The following ASB1 variants were observed in gnomAD, a reference collection of about 807,000 sequenced individuals.
The protein encoded by ASB1 is ankyrin repeat and SOCS box containing 1.
In ASB1, 18 loss-of-function variants were observed where a neutral mutation model predicts 27.7. The ratio of observed to expected loss-of-function variants is 0.65; its 90% confidence interval spans 0.45 to 0.96. The LOEUF (loss-of-function observed/expected upper bound fraction) is 0.96. Ranked by LOEUF, ASB1 falls within the 50% of genes least tolerant of loss-of-function variation. ASB1 has a pLI of 0.00. For synonymous variants in ASB1, 189 were observed against 187.6 expected, an observed-to-expected ratio of 1.01 and a Z score of -0.06; for missense variants, 397 against 451.7, an observed-to-expected ratio of 0.88 and a Z score of 1.10.
At chr2:238,446,314 G>A (rs993947583) in intron 4 of ASB1, 70 bp from the exon 5 acceptor site, 10 of 1,509,292 alleles carry the variant, frequency 6.6e-6, no homozygotes, top group Middle Eastern at 1.9e-4. Flanking sequence ...AGTCCCAGCT[G>A]CCTTTTCTCT....
intron 1 of ASB1, among the ~76,000 whole-genome samples, chr2:238,428,123 C>T (rs973340460): frequency 2.6e-5 from 4 of 152,158 alleles, no homozygotes; most frequent in Admixed American, 1.3e-4. Context: ...CTTTGGTTGG[C>T]GTTGACTTTG....
At position 238,446,710 on chromosome 2, in the gene ASB1, A is replaced by ATTGTTT; in HGVS notation, c.*199_*200insTTGTTT. 1 of 601,526 alleles carries ATTGTTT rather than the reference A, an allele frequency of 1.7e-6. No individual in the cohort carries two copies. Among genetic ancestry groups the ATTGTTT allele is most frequent in the Non-Finnish European group, 2.9e-6 (1 of 348,080 alleles). 37.3% of individuals were successfully genotyped at this position (601,526 alleles called of 1,614,324 possible). ...CATTGTCAGCTGAGAGGCTTATACT[A>ATTGTTT]AAGTTATTATTGTTTTTCCCAAGTT... On this transcript the variant is annotated 3_prime_UTR_variant, in exon 5 of 5. Transcript: ENST00000264607.
chr2:238,444,356 T>C lies in ASB1; in HGVS notation c.509T>C (p.Val170Ala). 1 of 1,608,000 alleles carries C rather than the reference T, an allele frequency of 6.2e-7. No homozygotes were observed. The highest frequency in any genetic ancestry group is 2.2e-5 in the East Asian group (1 of 44,704). ...LKALIRYGAD[V>A]DVNHHLTPDV... ...CTTCCCTGCAGGTACGGGGCTGATG[T>C]TGACGTCAACCACCACCTGACTCCT... Residue 170 changes from valine to alanine, a missense_variant, in exon 4 of 5, where the codon GTT becomes GCT. Physicochemically the swap from Val to Ala is moderately conservative, Grantham distance 64. Coordinates refer to ENST00000264607, the MANE Select transcript of ASB1 (RefSeq NM_001040445.3).
chr2:238,427,243 GC>G, intron 1 of ASB1, 124 bp downstream of exon 1: 1 of 680,806 alleles, frequency 1.5e-6, no homozygotes, highest in Non-Finnish European at 2.0e-6. Flanking sequence ...CAGCCAGGGA[GC>G]CGCACCCTGC....
chr2:238,427,099 G>T lies in ASB1; in HGVS notation c.29G>T (p.Arg10Leu). MAEGGSPDG[R>L]AGPGSAGRNL... Reference sequence around the variant, plus strand: ...GCGGAGGGCGGCAGCCCAGACGGGCGGGCAGGGCCGGGCTCCGCAGGTAAC... The same window carrying T: ...GCGGAGGGCGGCAGCCCAGACGGGCTGGCAGGGCCGGGCTCCGCAGGTAAC... The change falls in exon 1 of 5, where the codon CGG becomes CTG. Residue 10 changes from arginine (R) to leucine (L), a missense_variant. Physicochemically the swap from Arg to Leu is moderately radical, Grantham distance 102 (BLOSUM62 -2). Coordinates refer to ENST00000264607, the MANE Select transcript of ASB1 (RefSeq NM_001040445.3). The T allele has an allele frequency of 7.9e-7, 1 of 1,258,612 alleles. No homozygotes were observed. The highest frequency in any genetic ancestry group is 3.2e-5 in the East Asian group (1 of 31,558). 78.0% of individuals were successfully genotyped at this position (1,258,612 alleles called of 1,614,324 possible).
rs1333479800 is a variant in ASB1, at chr2:238,445,901, G to T, written c.881-483G>T. Among the ~76,000 whole-genome samples, 3 of 152,238 alleles carry T rather than the reference G, an allele frequency of 2.0e-5. No homozygotes were observed. The South Asian group carries it at 6.2e-4, about 31-fold the overall frequency. The stretch of plus-strand genomic sequence containing the variant: ...CTCAGCTTCCTCGCTAATCGAGACA[G>T]AACTTGGCTGCGCTCTTTTCATTGG... On this transcript the variant is annotated intron_variant, in intron 4 of 4. Coordinates refer to ENST00000264607, the MANE Select transcript of ASB1 (RefSeq NM_001040445.3).
At chr2:238,442,720 A>G (rs1309371678) in intron 3 of ASB1, among the ~76,000 whole-genome samples, 4 of 152,202 alleles carry the variant, frequency 2.6e-5, no homozygotes, top group East Asian at 3.8e-4. Flanking sequence ...TTATTCCAGT[A>G]TATGCTATGG....
At chr2:238,438,663 C>T (rs895216609) in intron 3 of ASB1, among the ~76,000 whole-genome samples, 8 of 152,162 alleles carry the variant, frequency 5.3e-5, no homozygotes, top group South Asian at 2.1e-4. Context: ...TAGAGTGATA[C>T]GGTTAAGTTA....
intron 1 of ASB1, among the ~76,000 whole-genome samples, chr2:238,428,568 A>G (rs1701807527): frequency 6.6e-6 from 1 of 152,220 alleles, no homozygotes; most frequent in South Asian, 2.1e-4. Context: ...AAGTGCTGGG[A>G]TTACAGGCGG....
intron 3 of ASB1, among the ~76,000 whole-genome samples, chr2:238,444,132 T>C (rs1051645569): frequency 6.6e-6 from 1 of 152,244 alleles, no homozygotes; most frequent in Non-Finnish European, 1.5e-5. Flanking sequence ...CTTAGGAATT[T>C]TTCTGTGTGC....
In ASB1 at chr2:238,449,484, G is replaced by A. The variant is rs1284933163; in HGVS notation, c.*2973G>A. On this transcript the variant is annotated 3_prime_UTR_variant, in exon 5 of 5. Transcript: ENST00000264607. ...TGGCTGTGGAACAGTCCTGGGCCCT[G>A]GGCCTTGGCTGCTGTCAACAGATGG... 3 of 152,604 alleles carry A rather than the reference G, an allele frequency of 2.0e-5. No homozygotes were observed. The East Asian group carries it at 5.8e-4, about 29-fold the overall frequency. 9.5% of individuals were successfully genotyped at this position (152,604 alleles called of 1,614,324 possible). A position where few individuals can be genotyped will look rare whatever the true frequency, so the allele number is the denominator to read the frequency against.
At chr2:238,439,091 C>G (rs1175742273) in intron 3 of ASB1, among the ~76,000 whole-genome samples, 6 of 152,162 alleles carry the variant, frequency 3.9e-5, no homozygotes, top group African/African-American at 1.4e-4. Context: ...TAAGAATAAG[C>G]AGAAAAAAAC....
chr2:238,446,173 G>A (rs1702176616), intron 4 of ASB1, among the ~76,000 whole-genome samples: 1 of 152,214 alleles, frequency 6.6e-6, no homozygotes, highest in Non-Finnish European at 1.5e-5. Context: ...TCTTTCCTGC[G>A]ACAGAAGGAG....
chr2:238,448,780 G>A lies in ASB1; in HGVS notation c.*2269G>A, dbSNP rs757540975. 2 of 152,472 alleles carry A rather than the reference G, an allele frequency of 1.3e-5. No homozygotes were observed. The highest frequency in any genetic ancestry group is 6.5e-5 in the Admixed American group (1 of 15,296). 9.4% of individuals were successfully genotyped at this position (152,472 alleles called of 1,614,324 possible). A position where few individuals can be genotyped will look rare whatever the true frequency, so the allele number is the denominator to read the frequency against. On this transcript the variant is annotated 3_prime_UTR_variant, in exon 5 of 5. Coordinates refer to ENST00000264607, the MANE Select transcript of ASB1 (RefSeq NM_001040445.3). ...GGCAAGGACCCAGATGTGGCAGCAT[G>A]GGCGTCATGCTCCTTTGCACAGCCC...
chr2:238,429,598 T>C (rs1701827492), intron 1 of ASB1, among the ~76,000 whole-genome samples: 1 of 152,150 alleles, frequency 6.6e-6, no homozygotes, highest in South Asian at 2.1e-4. Context: ...GGTTTCCCAG[T>C]GCATATATAA....
chr2:238,440,560 A>T (rs1438942950), intron 3 of ASB1, among the ~76,000 whole-genome samples: 1 of 151,902 alleles, frequency 6.6e-6, no homozygotes, highest in Admixed American at 6.5e-5. Context: ...ATGGCTCCTG[A>T]CCTGTTTGGG....
At position 238,435,798 on chromosome 2, in the gene ASB1, T is replaced by C. The variant is rs1372022016; in HGVS notation, c.279T>C (p.Cys93=). 6.2e-7 allele frequency: 1 copy of C among 1,614,178 alleles called. No homozygotes were observed. The highest frequency in any genetic ancestry group is 1.3e-5 in the African/African-American group (1 of 75,032). ...RIAATAGHGS[C]VDFLIRKGAE... is the part of the protein sequence containing the mutation. ...CGGCCACTGCAGGCCATGGGAGCTG[T>C]GTGGACTTCCTCATCCGGAAGGGGG... Residue 93 remains cysteine (C), a synonymous_variant, in exon 3 of 5, where the codon TGT becomes TGC. Coordinates refer to ENST00000264607, the MANE Select transcript of ASB1 (RefSeq NM_001040445.3).
At position 238,446,485 on chromosome 2, in the gene ASB1, A is replaced by G. The variant is rs1389970187; in HGVS notation, c.982A>G (p.Ile328Val). Reference sequence around the variant, plus strand: ...TCCTTCGCTGCCTCTGCCAGACCCCATAAAGAAGTTTCTACTCCATGAGTA... The same window carrying G: ...TCCTTCGCTGCCTCTGCCAGACCCCGTAAAGAAGTTTCTACTCCATGAGTA... ...LIPSLPLPDP[I>V]KKFLLHE is the part of the protein sequence containing the mutation. The change falls in exon 5 of 5, where the codon ATA (isoleucine) becomes GTA (valine). Residue 328 changes from isoleucine (I) to valine (V), a missense_variant. Transcript: ENST00000264607. 2 of 1,614,026 alleles carry G rather than the reference A, an allele frequency of 1.2e-6. No homozygotes were observed. The highest frequency in any genetic ancestry group is 1.1e-5 in the South Asian group (1 of 91,086).
At chr2:238,440,256 A>G (rs550342925) in intron 3 of ASB1, among the ~76,000 whole-genome samples, 18 of 152,272 alleles carry the variant, frequency 1.2e-4, no homozygotes, top group East Asian at 7.7e-4. Flanking sequence ...AGGAGTGCCT[A>G]TTGCTTTTGG....
Sources: allele counts gnomAD v4.1 joint callset (sites outside exome capture counted in the v4.1 genomes callset), GRCh38; gene constraint gnomAD v4.1.1; transcripts MANE v1.5; gene names NCBI Gene and HGNC (gene_info 2026-07-23, HGNC 2026-07-21).